Variants in DMD observed in about 807,000 individuals in gnomAD.
DMD encodes mutant dystrophin.
A neutral mutation model predicts 330.1 loss-of-function variants in DMD; 63 were observed. The ratio of observed to expected loss-of-function variants is 0.19; its 90% CI spans 0.16 to 0.24. The LOEUF (loss-of-function observed/expected upper bound fraction) is 0.24. Among genes scored for constraint, DMD ranks in the 10% least tolerant of loss-of-function variants. The pLI is 1.00. For missense variants in DMD, 3,344 were observed against 2,684.1 expected, an observed-to-expected ratio of 1.25 and a Z score of -5.43; for synonymous variants, 1,223 against 959.8, an observed-to-expected ratio of 1.27 and a Z score of -5.07.
intron 9 of DMD, among the ~76,000 whole-genome samples, chrX:32,665,304 A>G (rs1325015866): frequency 1.8e-5 from 2 of 111,291 alleles, no homozygotes; most frequent in South Asian, 3.8e-4. Context: ...TCTAGACTCA[A>G]ATTCTTTTCT....
At chrX:32,195,422 C>T (rs958868451) in intron 44 of DMD, among the ~76,000 whole-genome samples, 3 of 111,455 alleles carry the variant, frequency 2.7e-5, no homozygotes, top group African/African-American at 9.8e-5. Flanking sequence ...AGAGCGAAAC[C>T]AGAAACCCTA....
At chrX:32,227,264 C>CATATATAT (rs57305198) in intron 43 of DMD, among the ~76,000 whole-genome samples, 53 of 35,853 alleles carry the variant, frequency 1.5e-3, no homozygotes, top group Non-Finnish European at 1.7e-3. Flanking sequence ...TAAGTCTAAG[C>CATATATAT]ATATATATAT....
chrX:33,105,560 G>A (rs1047834710), intron 1 of DMD, among the ~76,000 whole-genome samples: 20 of 111,856 alleles, frequency 1.8e-4, no homozygotes, highest in African/African-American at 6.5e-4. Context: ...AACCTACAAA[G>A]AACTCAAGCA....
intron 11 of DMD, among the ~76,000 whole-genome samples, chrX:32,643,879 T>C (rs1207056000): frequency 8.9e-6 from 1 of 112,033 alleles, no homozygotes; most frequent in Non-Finnish European, 1.9e-5. Flanking sequence ...ATAATAACTA[T>C]GACAGAATTT....
intron 4 of DMD, among the ~76,000 whole-genome samples, chrX:32,831,909 T>C (rs2079186757): frequency 9.0e-6 from 1 of 111,044 alleles, no homozygotes; most frequent in Non-Finnish European, 1.9e-5. Context: ...CTTTATAATA[T>C]ATGGTGTCTG....
chrX:32,939,357 C>A (rs1490713874), intron 2 of DMD, among the ~76,000 whole-genome samples: 1 of 109,499 alleles, frequency 9.1e-6, no homozygotes, highest in Admixed American at 9.8e-5. Flanking sequence ...CACATAATAT[C>A]TTTTCTTAGT....
chrX:32,454,769 G>T lies in DMD; in HGVS notation c.3496C>A (p.Leu1166Ile), dbSNP rs753274868. Reference protein sequence around the residue: ...LEKTVSLQKDLSEMHEWMTQA... With the variant: ...LEKTVSLQKDISEMHEWMTQA... Reference sequence around the variant, plus strand: ...GTCATCCATTCGTGCATCTCTGATAGATCTTTCTGGAGGCTTACAGTTTTC... The same window carrying T: ...GTCATCCATTCGTGCATCTCTGATATATCTTTCTGGAGGCTTACAGTTTTC... The change falls in exon 26 of 79, where the codon CTA becomes ATA. Residue 1166 changes from leucine to isoleucine, a missense_variant. Transcript: ENST00000357033. 2 of 1,205,529 alleles carry T rather than the reference G, an allele frequency of 1.7e-6. No individual in the cohort carries two copies. Among genetic ancestry groups the T allele is most frequent in the Non-Finnish European group, 1.1e-6 (1 of 892,193 alleles).
chrX:33,163,208 C>T (rs1047185459), intron 1 of DMD, among the ~76,000 whole-genome samples: 3 of 111,341 alleles, frequency 2.7e-5, no homozygotes, highest in Non-Finnish European at 3.8e-5. Flanking sequence ...TCACAGAATA[C>T]GTGTTTAGAA....
chrX:33,082,476 A>G (rs1433004901), intron 1 of DMD, among the ~76,000 whole-genome samples: 1 of 112,237 alleles, frequency 8.9e-6, no homozygotes, highest in Admixed American at 9.5e-5. Context: ...AAGCTACACA[A>G]ATAACAAATC....
chrX:33,181,462 T>C (rs2050001173), intron 1 of DMD, among the ~76,000 whole-genome samples: 1 of 111,496 alleles, frequency 9.0e-6, no homozygotes, highest in Admixed American at 9.6e-5. Flanking sequence ...GTAAACCTCA[T>C]TGTAGGTAAT....
At chrX:32,809,167 T>C (rs1236584085) in intron 7 of DMD, among the ~76,000 whole-genome samples, 1 of 111,862 alleles carries the variant, frequency 8.9e-6, no homozygotes, top group Non-Finnish European at 1.9e-5. Context: ...AATCTCTTGG[T>C]AGCATAAGCA....
At chrX:32,730,025 G>A (rs1402056537) in intron 7 of DMD, among the ~76,000 whole-genome samples, 2 of 111,735 alleles carry the variant, frequency 1.8e-5, no homozygotes, top group Non-Finnish European at 3.8e-5. Flanking sequence ...GCAGTGTTCA[G>A]ATCCCCACTG....
chrX:32,790,186 C>T (rs1157792265), intron 7 of DMD, among the ~76,000 whole-genome samples: 1 of 111,349 alleles, frequency 9.0e-6, no homozygotes, highest in African/African-American at 3.3e-5. Context: ...ACTTTGAATA[C>T]ATTAACTAAG....
At chrX:32,866,882 T>C (rs1394514838) in intron 2 of DMD, among the ~76,000 whole-genome samples, 1 of 110,421 alleles carries the variant, frequency 9.1e-6, no homozygotes, top group Non-Finnish European at 1.9e-5. Context: ...TACAGGCGCA[T>C]GCCACCACGC....
At chrX:32,685,731 A>G (rs1194875780) in intron 9 of DMD, among the ~76,000 whole-genome samples, 1 of 111,869 alleles carries the variant, frequency 8.9e-6, no homozygotes, top group African/African-American at 3.2e-5. Flanking sequence ...TATGTAGCTG[A>G]ATTGGTATGC....
chrX:31,708,372 C>G (rs748393094), intron 52 of DMD, among the ~76,000 whole-genome samples: 2 of 111,166 alleles, frequency 1.8e-5, no homozygotes, highest in East Asian at 5.7e-4. Context: ...AATATACGGG[C>G]AGATCTAAAG....
intron 47 of DMD, among the ~76,000 whole-genome samples, chrX:31,925,871 CA>C (rs1234308714): frequency 0.023 from 944 of 41,233 alleles, 10 homozygotes; most frequent in African/African-American, 0.068. Context: ...AACTCTGTCT[CA>C]AAAAAAAAAA....
intron 2 of DMD, among the ~76,000 whole-genome samples, chrX:32,975,239 G>A (rs1397018429): frequency 2.8e-5 from 3 of 108,575 alleles, no homozygotes; most frequent in African/African-American, 1.0e-4. Flanking sequence ...TTGTCTTGAT[G>A]GACTATTAAC....
intron 44 of DMD, among the ~76,000 whole-genome samples, chrX:32,133,206 C>G (rs1339723790): frequency 1.8e-5 from 2 of 108,889 alleles, no homozygotes; most frequent in African/African-American, 6.8e-5. Context: ...TGGGGTTTCA[C>G]CATGTTGGCC....
Sources: gnomAD v4.1 joint callset for allele counts (sites outside exome capture counted in the v4.1 genomes callset) on GRCh38, gnomAD v4.1.1 for gene constraint, MANE v1.5 for transcripts, NCBI Gene and HGNC (gene_info 2026-07-23, HGNC 2026-07-21) for gene names.